The following GMDS variants were observed in gnomAD, a reference collection of about 807,000 sequenced individuals.
The protein encoded by GMDS is GDP-mannose 4,6 dehydratase.
Under a neutral mutation model 49.9 loss-of-function variants are expected in GMDS, and 20 were observed. The ratio of observed to expected loss-of-function variants is 0.40; its 90% confidence interval spans 0.28 to 0.58. The LOEUF is 0.58. GMDS is among the 20% of genes least tolerant of loss of function. The probability of loss-of-function intolerance (pLI) is 0.42; values close to 1 mark genes in which losing one functional copy is unlikely to be tolerated. For missense variants in GMDS, 362 were observed against 481.4 expected, an observed-to-expected ratio of 0.75 and a Z score of 2.32; for synonymous variants, 177 against 178.6, an observed-to-expected ratio of 0.99 and a Z score of 0.07.
intron 9 of GMDS, among the ~76,000 whole-genome samples, chr6:1,718,644 T>C (rs1373308941): frequency 1.3e-5 from 2 of 152,142 alleles, no homozygotes; most frequent in African/African-American, 4.8e-5. Flanking sequence ...GACAAGGACC[T>C]TATCTCATCT....
At chr6:1,988,519 G>T (rs966637085) in intron 4 of GMDS, among the ~76,000 whole-genome samples, 1 of 151,984 alleles carries the variant, frequency 6.6e-6, no homozygotes, top group Non-Finnish European at 1.5e-5. Context: ...CTCCAATTTG[G>T]GCTCCCTATC....
At chr6:2,241,931 G>T (rs1441848759) in intron 1 of GMDS, among the ~76,000 whole-genome samples, 1 of 152,222 alleles carries the variant, frequency 6.6e-6, no homozygotes, top group South Asian at 2.1e-4. Flanking sequence ...ATGCAGTGAA[G>T]ATGTGTTCTG....
chr6:1,915,265 TG>T (rs1381772994), intron 7 of GMDS, among the ~76,000 whole-genome samples: 5 of 152,178 alleles, frequency 3.3e-5, no homozygotes, highest in African/African-American at 7.2e-5. Context: ...ATGCAAGCAT[TG>T]TCAGCCAGGC....
chr6:1,863,013 A>C (rs1758266717), intron 7 of GMDS, among the ~76,000 whole-genome samples: 1 of 152,244 alleles, frequency 6.6e-6, no homozygotes, highest in African/African-American at 2.4e-5. Flanking sequence ...TAAACTAGCC[A>C]CATTATTCTA....
At chr6:2,027,605 C>G (rs1459991981) in intron 4 of GMDS, among the ~76,000 whole-genome samples, 1 of 152,048 alleles carries the variant, frequency 6.6e-6, no homozygotes, top group Non-Finnish European at 1.5e-5. Flanking sequence ...ACTTACTGCT[C>G]TATGAACATG....
intron 2 of GMDS, 49 bp from the exon 3 acceptor site, chr6:2,117,605 A>G (rs559146261): frequency 2.2e-6 from 2 of 911,370 alleles, no homozygotes; most frequent in Middle Eastern, 2.1e-4. Context: ...GGACTAATAA[A>G]CAACTTCTTT....
At chr6:1,884,595 T>A (rs1487245581) in intron 7 of GMDS, among the ~76,000 whole-genome samples, 1 of 152,234 alleles carries the variant, frequency 6.6e-6, no homozygotes, top group Non-Finnish European at 1.5e-5. Flanking sequence ...CCTGCAGCCA[T>A]TAAGTGATAA....
At chr6:2,033,967 A>G (rs1380708721) in intron 4 of GMDS, among the ~76,000 whole-genome samples, 3 of 152,232 alleles carry the variant, frequency 2.0e-5, no homozygotes, top group Non-Finnish European at 4.4e-5. Flanking sequence ...ATACTGAAAA[A>G]AATATTAAAA....
At chr6:2,159,959 A>C (rs1021537443) in intron 1 of GMDS, among the ~76,000 whole-genome samples, 4 of 152,200 alleles carry the variant, frequency 2.6e-5, no homozygotes, top group African/African-American at 9.7e-5. Flanking sequence ...TAAAATATGC[A>C]ATTTTATAGT....
chr6:2,165,278 G>A (rs1284934536), intron 1 of GMDS, among the ~76,000 whole-genome samples: 3 of 152,204 alleles, frequency 2.0e-5, no homozygotes, highest in Non-Finnish European at 4.4e-5. Context: ...GCAATCCCAA[G>A]ATCTGCAGTC....
rs1428953507 is a variant in GMDS, at chr6:1,623,896, T to TAA, written c.*271_*272dup. 1 of 454,080 alleles carries TAA rather than the reference T, an allele frequency of 2.2e-6. No homozygotes were observed. Among genetic ancestry groups the TAA allele is most frequent in the African/African-American group, 2.0e-5 (1 of 49,102 alleles). The allele number at this position is 454,080 out of a possible 1,614,324, so 28.1% of individuals were successfully genotyped here. ...TGTTGTGTAACAACATAATTTCAAG[T>TAA]AAAGTGAATGTGATTAAAACATCTT... On this transcript the variant is annotated 3_prime_UTR_variant, in exon 11 of 11. Transcript: ENST00000380815.
chr6:2,057,878 T>C (rs1016127392), intron 4 of GMDS, among the ~76,000 whole-genome samples: 7 of 152,206 alleles, frequency 4.6e-5, no homozygotes, highest in African/African-American at 1.7e-4. Flanking sequence ...GTTTAAGGGC[T>C]AAATTTTTCA....
intron 7 of GMDS, among the ~76,000 whole-genome samples, chr6:1,915,490 G>C (rs1006447040): frequency 2.9e-4 from 44 of 152,228 alleles, no homozygotes; most frequent in Non-Finnish European, 6.3e-4. Context: ...CCCAGCTCCG[G>C]AGGAGGACGC....
intron 4 of GMDS, among the ~76,000 whole-genome samples, chr6:2,016,276 GA>G (rs1213291656): frequency 6.7e-6 from 1 of 148,476 alleles, no homozygotes; most frequent in Non-Finnish European, 1.5e-5. Flanking sequence ...AAAAAAAGCA[GA>G]AAGCAGACGA....
At chr6:2,102,187 A>G (rs1181567301) in intron 4 of GMDS, among the ~76,000 whole-genome samples, 1 of 152,168 alleles carries the variant, frequency 6.6e-6, no homozygotes, top group East Asian at 1.9e-4. Context: ...GTCCCCTATA[A>G]TTCATACAAA....
chr6:1,847,944 A>G (rs1244927625), intron 7 of GMDS, among the ~76,000 whole-genome samples: 1 of 152,134 alleles, frequency 6.6e-6, no homozygotes, highest in Non-Finnish European at 1.5e-5. Flanking sequence ...TATATGAAAG[A>G]GAAGTATAAG....
intron 7 of GMDS, among the ~76,000 whole-genome samples, chr6:1,802,107 TA>T (rs1392090793): frequency 6.6e-6 from 1 of 152,238 alleles, no homozygotes; most frequent in Non-Finnish European, 1.5e-5. Context: ...CAGTACCACC[TA>T]AAGTGAAAAA....
intron 7 of GMDS, among the ~76,000 whole-genome samples, chr6:1,927,778 C>G (rs1262612455): frequency 6.6e-6 from 1 of 152,186 alleles, no homozygotes; most frequent in Non-Finnish European, 1.5e-5. Flanking sequence ...TTACTTAACA[C>G]TCTCATTCAT....
chr6:1,929,298 C>CT (rs974557141), intron 7 of GMDS, among the ~76,000 whole-genome samples: 1 of 152,182 alleles, frequency 6.6e-6, no homozygotes. Flanking sequence ...TCTGTGAGCA[C>CT]TTGAACAAGG....
Sources: gnomAD v4.1 joint callset for allele counts (sites outside exome capture counted in the v4.1 genomes callset) on GRCh38, gnomAD v4.1.1 for gene constraint, MANE v1.5 for transcripts, NCBI Gene and HGNC (gene_info 2026-07-23, HGNC 2026-07-21) for gene names.